SLC24A3: variants seen among roughly 807,000 people sequenced by gnomAD.
The protein encoded by SLC24A3 is sodium/potassium/calcium exchanger 3.
In SLC24A3, 28 loss-of-function variants were observed where a neutral mutation model predicts 75.8. That is an observed-to-expected ratio of 0.37 (90% CI 0.27 to 0.51). The LOEUF (loss-of-function observed/expected upper bound fraction) is 0.51, where lower values mean the gene tolerates loss of function less well. SLC24A3 is among the 20% of genes least tolerant of loss of function. SLC24A3 has a pLI of 0.94. For missense variants in SLC24A3, 663 were observed against 847.8 expected, an observed-to-expected ratio of 0.78 and a Z score of 2.71; for synonymous variants, 372 against 334.1, an observed-to-expected ratio of 1.11 and a Z score of -1.24.
At chr20:19,388,204 T>C (rs1055997821) in intron 2 of SLC24A3, among the ~76,000 whole-genome samples, 1 of 152,224 alleles carries the variant, frequency 6.6e-6, no homozygotes, top group Non-Finnish European at 1.5e-5. Context: ...TTTTTCTAAC[T>C]ATCCCTACTA....
chr20:19,303,757 C>G (rs181541920), intron 2 of SLC24A3, among the ~76,000 whole-genome samples: 30 of 152,264 alleles, frequency 2.0e-4, no homozygotes, highest in African/African-American at 7.2e-4. Flanking sequence ...CTCGTGTGTT[C>G]CAAGGATGAG....
intron 1 of SLC24A3, among the ~76,000 whole-genome samples, chr20:19,249,782 A>G (rs974263646): frequency 7.9e-5 from 12 of 152,226 alleles, no homozygotes; most frequent in African/African-American, 2.9e-4. Flanking sequence ...TGTTAATTGC[A>G]TGATGATTTG....
intron 13 of SLC24A3, chr20:19,694,783 T>G (rs1333999782): frequency 6.6e-6 from 1 of 152,220 alleles, no homozygotes; most frequent in Non-Finnish European, 1.5e-5. Flanking sequence ...GGGAGAAAAC[T>G]AGGAGAAGCC....
chr20:19,517,322 T>G (rs1360288428), intron 3 of SLC24A3, among the ~76,000 whole-genome samples: 2 of 152,190 alleles, frequency 1.3e-5, no homozygotes, highest in African/African-American at 4.8e-5. Flanking sequence ...TTCATCCTCC[T>G]GAAGAGATGT....
intron 2 of SLC24A3, among the ~76,000 whole-genome samples, chr20:19,351,726 TCA>T (rs944036631): frequency 6.6e-6 from 1 of 152,090 alleles, no homozygotes; most frequent in African/African-American, 2.4e-5. Context: ...GCACTTCACC[TCA>T]GTTTCCACCA....
intron 2 of SLC24A3, among the ~76,000 whole-genome samples, chr20:19,407,367 G>A (rs1986666278): frequency 6.6e-6 from 1 of 152,186 alleles, no homozygotes; most frequent in African/African-American, 2.4e-5. Context: ...CCTCATTCCT[G>A]TCTTCCTCCT....
At chr20:19,470,366 GC>G (rs1987849328) in intron 2 of SLC24A3, among the ~76,000 whole-genome samples, 1 of 152,118 alleles carries the variant, frequency 6.6e-6, no homozygotes, top group Admixed American at 6.6e-5. Context: ...GGATTTTAGG[GC>G]CAACTTTTTT....
intron 2 of SLC24A3, among the ~76,000 whole-genome samples, chr20:19,437,642 C>T (rs185177436): frequency 7.9e-5 from 12 of 152,282 alleles, no homozygotes; most frequent in Admixed American, 3.3e-4. Context: ...TTGACCCAAA[C>T]GGCCAGGACA....
At chr20:19,661,045 G>C (rs2032320822) in intron 7 of SLC24A3, among the ~76,000 whole-genome samples, 1 of 152,152 alleles carries the variant, frequency 6.6e-6, no homozygotes. Flanking sequence ...CGCTGGCCTG[G>C]AGACCCCAGA....
At chr20:19,425,588 A>G (rs1408331780) in intron 2 of SLC24A3, among the ~76,000 whole-genome samples, 4 of 152,106 alleles carry the variant, frequency 2.6e-5, no homozygotes, top group Non-Finnish European at 4.4e-5. Flanking sequence ...TTGTCCCAGT[A>G]TTGCTGTCCT....
chr20:19,229,227 T>C (rs1981949903), intron 1 of SLC24A3, among the ~76,000 whole-genome samples: 2 of 152,166 alleles, frequency 1.3e-5, no homozygotes, highest in Non-Finnish European at 2.9e-5. Context: ...CTAACGTATA[T>C]GTTTATTTTT....
At chr20:19,339,430 G>C (rs954537980) in intron 2 of SLC24A3, among the ~76,000 whole-genome samples, 2 of 152,086 alleles carry the variant, frequency 1.3e-5, no homozygotes, top group Non-Finnish European at 2.9e-5. Context: ...TTGTAAAAGA[G>C]AAAAATGTCA....
intron 2 of SLC24A3, among the ~76,000 whole-genome samples, chr20:19,339,592 C>T (rs2122305629): frequency 6.6e-6 from 1 of 152,294 alleles, no homozygotes; most frequent in East Asian, 1.9e-4. Context: ...TTCACATTGC[C>T]TCCCACATGG....
chr20:19,663,939 A>G (rs1034084565), intron 7 of SLC24A3, among the ~76,000 whole-genome samples: 1 of 152,148 alleles, frequency 6.6e-6, no homozygotes, highest in African/African-American at 2.4e-5. Context: ...GCGATCTCCA[A>G]GCTTTTCCTT....
At chr20:19,296,086 G>A (rs1303089833) in intron 2 of SLC24A3, among the ~76,000 whole-genome samples, 1 of 152,022 alleles carries the variant, frequency 6.6e-6, no homozygotes, top group African/African-American at 2.4e-5. Context: ...TCAATCTTGG[G>A]ATGGTGTATG....
intron 2 of SLC24A3, among the ~76,000 whole-genome samples, chr20:19,453,475 G>T (rs755324828): frequency 1.4e-4 from 21 of 152,154 alleles, no homozygotes; most frequent in Non-Finnish European, 3.1e-4. Flanking sequence ...GTGGAGACAA[G>T]GAACATACTG....
intron 2 of SLC24A3, among the ~76,000 whole-genome samples, chr20:19,445,434 T>C (rs1987364997): frequency 6.6e-6 from 1 of 152,244 alleles, no homozygotes; most frequent in Non-Finnish European, 1.5e-5. Context: ...AGTTTGAAGT[T>C]TCTTAGAAGC....
At chr20:19,685,431 G>A in intron 12 of SLC24A3, 70 bp downstream of exon 12, 1 of 1,561,080 alleles carries the variant, frequency 6.4e-7, no homozygotes, top group African/African-American at 1.4e-5. Context: ...CCTTGACTTA[G>A]ATTATCTTTT....
At chr20:19,371,495 G>T (rs1271107112) in intron 2 of SLC24A3, among the ~76,000 whole-genome samples, 1 of 152,136 alleles carries the variant, frequency 6.6e-6, no homozygotes, top group Non-Finnish European at 1.5e-5. Flanking sequence ...GGATCACACT[G>T]CCTGGGAACC....
Sources: gnomAD v4.1 joint callset for allele counts (sites outside exome capture counted in the v4.1 genomes callset) on GRCh38, gnomAD v4.1.1 for gene constraint, MANE v1.5 for transcripts, NCBI Gene and HGNC (gene_info 2026-07-23, HGNC 2026-07-21) for gene names.